ADAM12: variants seen among roughly 807,000 people sequenced by gnomAD.
ADAM12 encodes the protein disintegrin and metalloproteinase domain-containing protein 12.
ADAM12 carries 70 observed loss-of-function variants against 106.4 expected under a neutral mutation model. The observed-to-expected ratio is 0.66, with a 90% confidence interval of 0.54 to 0.80. The LOEUF is 0.80. Ranked by LOEUF, ADAM12 falls within the 30% of genes least tolerant of loss-of-function variation. The pLI, the probability that ADAM12 is intolerant of heterozygous loss-of-function variation, is 0.00. For missense variants in ADAM12, 1,010 were observed against 1,171.9 expected (o/e 0.86, Z 2.02); for synonymous variants, 420 against 433.5 (o/e 0.97, Z 0.39).
At chr10:126,276,084 G>C (rs6597757) in intron 3 of ADAM12, among the ~76,000 whole-genome samples, 24,023 of 152,062 alleles carry the variant, frequency 0.16, 2,146 homozygotes, top group African/African-American at 0.24. Flanking sequence ...ATTGTTGTAT[G>C]GTATCCTGTT....
chr10:126,372,370 C>T (rs1007208213), intron 1 of ADAM12, among the ~76,000 whole-genome samples: 2 of 152,206 alleles, frequency 1.3e-5, no homozygotes, highest in African/African-American at 4.8e-5. Flanking sequence ...TTCACCACAA[C>T]CCAGGGAGGT....
At chr10:126,145,927 T>C (rs1361459441) in intron 4 of ADAM12, among the ~76,000 whole-genome samples, 1 of 152,184 alleles carries the variant, frequency 6.6e-6, no homozygotes, top group Non-Finnish European at 1.5e-5. Context: ...AAATTTGAAT[T>C]TGACTGAGGA....
chr10:126,201,802 G>A (rs1401620904), intron 3 of ADAM12, among the ~76,000 whole-genome samples: 8 of 152,282 alleles, frequency 5.3e-5, no homozygotes, highest in African/African-American at 1.4e-4. Flanking sequence ...CCAGAGAACC[G>A]AGGTGCTCCC....
intron 1 of ADAM12, among the ~76,000 whole-genome samples, chr10:126,338,133 A>G (rs1854775133): frequency 6.6e-6 from 1 of 152,220 alleles, no homozygotes; most frequent in African/African-American, 2.4e-5. Context: ...ATAAATGTCT[A>G]AATAGATTCA....
chr10:126,289,942 T>C lies in ADAM12; in HGVS notation c.187-10954A>G, dbSNP rs181253479. ...TAACCCTTGGAATGTGTGCATATGT[T>C]ACCTTACTTGGCAAAAGGGACTGTG... On this transcript the variant is annotated intron_variant, in intron 2 of 22. Coordinates refer to ENST00000448723, the MANE Select transcript of ADAM12 (RefSeq NM_001288973.2). Among the ~76,000 whole-genome samples, 7 of 152,348 alleles carry C rather than the reference T, an allele frequency of 4.6e-5. No homozygotes were observed. In the East Asian group the frequency reaches 1.4e-3, roughly 29 times the overall value.
intron 3 of ADAM12, among the ~76,000 whole-genome samples, chr10:126,221,339 G>A (rs1037796542): frequency 1.4e-5 from 2 of 145,474 alleles, no homozygotes; most frequent in Non-Finnish European, 3.0e-5. Context: ...GCAGTGAGCT[G>A]AGATTGTGTC....
intron 2 of ADAM12, among the ~76,000 whole-genome samples, chr10:126,287,451 G>C (rs574968554): frequency 6.6e-6 from 1 of 152,202 alleles, no homozygotes; most frequent in East Asian, 1.9e-4. Context: ...CCTGATCCAC[G>C]ACAGAGGGGA....
chr10:126,152,194 T>C (rs1469126463), intron 4 of ADAM12, among the ~76,000 whole-genome samples: 3 of 152,058 alleles, frequency 2.0e-5, no homozygotes, highest in Non-Finnish European at 4.4e-5. Context: ...GGAAAAATTG[T>C]AAAATGCTGT....
chr10:126,113,294 C>A (rs1394597124), intron 6 of ADAM12, among the ~76,000 whole-genome samples: 1 of 152,012 alleles, frequency 6.6e-6, no homozygotes, highest in Non-Finnish European at 1.5e-5. Context: ...GGACAGGACA[C>A]TGGGGCCATG....
In ADAM12 at chr10:126,049,410, C is replaced by G; in HGVS notation, c.1760G>C (p.Ser587Thr). Residue 587 changes from serine (S) to threonine (T), a missense_variant, in exon 16 of 23, where the codon AGC becomes ACC. Physicochemically the swap from Ser to Thr is moderately conservative, Grantham distance 58 (BLOSUM62 1). This residue lies in a region of ADAM12 where 615 missense variants were observed against 708.5 expected (regional missense o/e 0.87). Coordinates refer to ENST00000448723, the MANE Select transcript of ADAM12 (RefSeq NM_001288973.2). The surrounding 1 kb of genome is among the most constrained non-coding windows in gnomAD (Gnocchi z 4.4). Reference sequence around the variant, plus strand: ...GGCATTGGTACCAATGACTGGCCGGCTGGCACCTCCTTGACACTGGATTTT... The same window carrying G: ...GGCATTGGTACCAATGACTGGCCGGGTGGCACCTCCTTGACACTGGATTTT... Reference protein sequence around the residue: ...CGKIQCQGGASRPVIGTNAVS... With the variant: ...CGKIQCQGGATRPVIGTNAVS... The G allele has an allele frequency of 6.2e-7, 1 of 1,614,218 alleles. No individual in the cohort carries two copies. The highest frequency in any genetic ancestry group is 8.5e-7 in the Non-Finnish European group (1 of 1,180,048).
chr10:126,319,874 G>A (rs1357324876), intron 2 of ADAM12, among the ~76,000 whole-genome samples: 7 of 152,168 alleles, frequency 4.6e-5, no homozygotes, highest in Non-Finnish European at 1.0e-4. Flanking sequence ...GCAGTCTTGG[G>A]AGGATGGAAG....
At chr10:126,257,804 T>G (rs1958922283) in intron 3 of ADAM12, among the ~76,000 whole-genome samples, 1 of 152,194 alleles carries the variant, frequency 6.6e-6, no homozygotes. Context: ...CAGTCAGCCT[T>G]GCCAAGGGCT....
chr10:126,334,176 G>A (rs1027077141), intron 1 of ADAM12, among the ~76,000 whole-genome samples: 5 of 152,158 alleles, frequency 3.3e-5, no homozygotes, highest in African/African-American at 1.2e-4. Context: ...TTTATGGAGT[G>A]ATCTTATTGA....
At chr10:126,082,993 A>C in intron 11 of ADAM12, among the ~76,000 whole-genome samples, 1 of 152,248 alleles carries the variant, frequency 6.6e-6, no homozygotes, top group East Asian at 1.9e-4. Flanking sequence ...ATTTATGTGC[A>C]ACCAAGTAGC....
At position 126,312,980 on chromosome 10, in the gene ADAM12, T is replaced by C. The variant is rs78326491; in HGVS notation, c.186+17432A>G. ...ATTACTTACTTGCATAAATTAGCCA[T>C]GTTGGTTCAGATGAAGAGACAACAT... On this transcript the variant is annotated intron_variant, in intron 2 of 22. Transcript: ENST00000448723. Among the ~76,000 whole-genome samples, 12 of 152,374 alleles carry C rather than the reference T, an allele frequency of 7.9e-5. No individual in the cohort carries two copies. The East Asian group carries it at 2.3e-3, about 29-fold the overall frequency.
At chr10:126,094,848 T>C (rs753954010) in intron 10 of ADAM12, among the ~76,000 whole-genome samples, 21 of 152,218 alleles carry the variant, frequency 1.4e-4, no homozygotes, top group Non-Finnish European at 2.6e-4. Flanking sequence ...ATTAACCTTT[T>C]GCTTGGATAT....
At chr10:126,348,854 T>C (rs1379087943) in intron 1 of ADAM12, among the ~76,000 whole-genome samples, 2 of 152,190 alleles carry the variant, frequency 1.3e-5, no homozygotes, top group East Asian at 3.9e-4. Flanking sequence ...TTAGGATAAA[T>C]ATGTCCCATG....
At chr10:126,086,651 CAAAAAA>C (rs1171936921) in intron 11 of ADAM12, among the ~76,000 whole-genome samples, 9 of 16,916 alleles carry the variant, frequency 5.3e-4, no homozygotes, top group East Asian at 2.7e-3. Context: ...GACTCTGCCT[CAAAAAA>C]AAAAAAAAAA....
intron 1 of ADAM12, among the ~76,000 whole-genome samples, chr10:126,331,378 T>A (rs1854505810): frequency 6.6e-6 from 1 of 152,208 alleles, no homozygotes; most frequent in Admixed American, 6.5e-5. Flanking sequence ...TTTTCAGACC[T>A]GAGTCATAAT....
Sources: gnomAD v4.1 joint callset for allele counts (sites outside exome capture counted in the v4.1 genomes callset) on GRCh38, gnomAD v4.1.1 for gene constraint, gnomAD v4.1.1 regional missense constraint, Gnocchi (gnomAD v3.1) non-coding constraint, MANE v1.5 for transcripts, NCBI Gene and HGNC (gene_info 2026-07-23, HGNC 2026-07-21) for gene names.